PDE3A: variants seen among roughly 807,000 people sequenced by gnomAD.
PDE3A encodes the protein cGMP-inhibited 3',5'-cyclic phosphodiesterase 3A.
A neutral mutation model predicts 98.3 loss-of-function variants in PDE3A; 43 were observed. The ratio of observed to expected loss-of-function variants is 0.44; its 90% CI spans 0.34 to 0.56. PDE3A has a LOEUF of 0.56. PDE3A is among the 20% of genes least tolerant of loss of function. The pLI is 0.01. For missense variants in PDE3A, 1,427 were observed against 1,440.7 expected (o/e 0.99, Z 0.15); for synonymous variants, 663 against 567.9 (o/e 1.17, Z -2.38).
intron 1 of PDE3A, among the ~76,000 whole-genome samples, chr12:20,506,347 G>A (rs953079274): frequency 1.3e-5 from 2 of 151,930 alleles, no homozygotes; most frequent in African/African-American, 4.8e-5. Context: ...TATACACACA[G>A]TATTTCATTC....
chr12:20,533,990 C>T (rs1941689392), intron 1 of PDE3A, among the ~76,000 whole-genome samples: 1 of 152,068 alleles, frequency 6.6e-6, no homozygotes, highest in Admixed American at 6.5e-5. Context: ...TGTGTACTTT[C>T]ACATTCTTAG....
intron 1 of PDE3A, among the ~76,000 whole-genome samples, chr12:20,413,506 C>A (rs571236126): frequency 2.1e-4 from 32 of 152,084 alleles, no homozygotes; most frequent in Non-Finnish European, 2.4e-4. Flanking sequence ...CTGTGGACAC[C>A]CCCTGCCTAG....
chr12:20,675,239 A>G (rs1945605195), intron 15 of PDE3A, among the ~76,000 whole-genome samples: 1 of 151,840 alleles, frequency 6.6e-6, no homozygotes, highest in South Asian at 2.1e-4. Context: ...TTCTTTTGTT[A>G]TTGATTTCTA....
intron 15 of PDE3A, among the ~76,000 whole-genome samples, chr12:20,668,415 G>A (rs1342971111): frequency 1.3e-5 from 2 of 152,062 alleles, no homozygotes; most frequent in East Asian, 1.9e-4. Flanking sequence ...CAAACAAAAA[G>A]ACAGCAGTAA....
chr12:20,637,159 G>A lies in PDE3A; in HGVS notation c.2061G>A (p.Glu687=), dbSNP rs1281420090. ...LVMDNLDSIM[E]QLNTWNFPIF... is the part of the protein sequence containing the mutation. ...TGGATAACCTGGACTCAATTATGGAGCAGCTAAATACTTGGAATTTTCCAA... is the reference window on the plus strand; with the variant it reads ...TGGATAACCTGGACTCAATTATGGAACAGCTAAATACTTGGAATTTTCCAA... The change falls in exon 9 of 16, where the codon GAG becomes GAA. Residue 687 remains glutamate, a synonymous_variant. Transcript: ENST00000359062. 6.2e-7 allele frequency: 1 copy of A among 1,609,500 alleles called. No individual in the cohort carries two copies. The highest frequency in any genetic ancestry group is 1.1e-5 in the South Asian group (1 of 90,736).
At chr12:20,466,506 A>C (rs1010260958) in intron 1 of PDE3A, among the ~76,000 whole-genome samples, 10 of 152,202 alleles carry the variant, frequency 6.6e-5, no homozygotes, top group Non-Finnish European at 1.5e-4. Flanking sequence ...ATGTGATATA[A>C]TGAGTGGTCA....
intron 5 of PDE3A, among the ~76,000 whole-genome samples, chr12:20,623,878 G>A (rs1051768281): frequency 2.0e-5 from 3 of 151,990 alleles, no homozygotes; most frequent in Non-Finnish European, 4.4e-5. Context: ...TAATGAAAAT[G>A]TTAAACAAAT....
chr12:20,679,494 G>C (rs568446926), intron 15 of PDE3A, among the ~76,000 whole-genome samples: 1 of 152,090 alleles, frequency 6.6e-6, no homozygotes, highest in South Asian at 2.1e-4. Context: ...TGATTCGCCC[G>C]CCTTGGCCTC....
chr12:20,556,714 A>G lies in PDE3A; in HGVS notation c.1011+4A>G. The G allele has an allele frequency of 6.2e-7, 1 of 1,604,872 alleles. No homozygotes were observed. The highest frequency in any genetic ancestry group is 8.5e-7 in the Non-Finnish European group (1 of 1,171,780). On this transcript the variant is annotated splice_donor_region_variant and intron_variant, in intron 2 of 15. Coordinates refer to ENST00000359062, the MANE Select transcript of PDE3A (RefSeq NM_000921.5). The stretch of plus-strand genomic sequence containing the variant: ...ACGAGGGCCAAGAGGATCACAGGTA[A>G]GTTTCTTTTCCTTTTCTTTTTCACG...
intron 1 of PDE3A, among the ~76,000 whole-genome samples, chr12:20,535,973 T>C (rs1291983469): frequency 6.6e-6 from 1 of 152,074 alleles, no homozygotes; most frequent in Non-Finnish European, 1.5e-5. Context: ...ATGTTAGATA[T>C]TGCATCTCTT....
At chr12:20,458,876 T>G (rs1945198738) in intron 1 of PDE3A, among the ~76,000 whole-genome samples, 1 of 152,190 alleles carries the variant, frequency 6.6e-6, no homozygotes, top group Non-Finnish European at 1.5e-5. Context: ...ATATAGTCAT[T>G]AACATGGTGT....
Position 20,369,875 on chromosome 12 carries a change from C to T in PDE3A, c.591C>T (p.Cys197=). Residue 197 remains cysteine, a synonymous_variant, in exon 1 of 16, where the codon TGC becomes TGT. Transcript: ENST00000359062. ...CCGCCGCGGGGGTGGTGCTCAGCTG[C>T]TTGGCCGCCGCGACATGGCTGGTGC... ...SLPAAGVVLS[C]LAAATWLVLR... is the part of the protein sequence containing the mutation. The T allele has an allele frequency of 6.2e-7, 1 of 1,613,038 alleles. No individual in the cohort carries two copies. Among genetic ancestry groups the T allele is most frequent in the Admixed American group, 1.7e-5 (1 of 60,002 alleles).
intron 5 of PDE3A, among the ~76,000 whole-genome samples, chr12:20,628,394 C>A (rs1276240463): frequency 6.6e-6 from 1 of 152,144 alleles, no homozygotes; most frequent in African/African-American, 2.4e-5. Context: ...GAAATAAAAA[C>A]CATCAGGCAT....
In PDE3A at chr12:20,567,675, C is replaced by T. The variant is rs144195525; in HGVS notation, c.1011+10965C>T. 1.4e-3 allele frequency among the ~76,000 whole-genome samples: 207 copies of T among 151,750 alleles called. 1 individual carries two copies. Among genetic ancestry groups the T allele is most frequent in the African/African-American group, 4.8e-3 (198 of 41,436 alleles). On this transcript the variant is annotated intron_variant, in intron 2 of 15. Coordinates refer to ENST00000359062, the MANE Select transcript of PDE3A (RefSeq NM_000921.5). Reference sequence around the variant, plus strand: ...TCTTATCACATGGAACTTTTGGGCTCAGGAGTGATTCTGTCTCATGCAGCT... The same window carrying T: ...TCTTATCACATGGAACTTTTGGGCTTAGGAGTGATTCTGTCTCATGCAGCT...
chr12:20,675,290 T>C (rs1216742227), intron 15 of PDE3A, among the ~76,000 whole-genome samples: 1 of 152,190 alleles, frequency 6.6e-6, no homozygotes, highest in Admixed American at 6.5e-5. Flanking sequence ...TGATATAATT[T>C]AGATTTTTAA....
intron 1 of PDE3A, among the ~76,000 whole-genome samples, chr12:20,541,075 C>CTTTTTTTTTTTTTTTTTTTTT (rs777927679): frequency 1.9e-5 from 1 of 52,958 alleles, no homozygotes; most frequent in African/African-American, 6.8e-5. Flanking sequence ...TGGTAACTTT[C>CTTTTTTTTTTTTTTTTTTTTT]TTTTTTTTTT....
At chr12:20,446,683 C>G (rs1198179308) in intron 1 of PDE3A, among the ~76,000 whole-genome samples, 1 of 152,140 alleles carries the variant, frequency 6.6e-6, no homozygotes, top group African/African-American at 2.4e-5. Context: ...GGTAAATCTT[C>G]TATTCATTTA....
At position 20,629,941 on chromosome 12, in the gene PDE3A, C is replaced by G; in HGVS notation, c.1574C>G (p.Pro525Arg). 1.2e-6 allele frequency: 2 copies of G among 1,613,960 alleles called. No individual in the cohort carries two copies. Among genetic ancestry groups the G allele is most frequent in the Non-Finnish European group, 1.7e-6 (2 of 1,179,936 alleles). The change falls in exon 6 of 16, where the codon CCC becomes CGC. Residue 525 changes from proline to arginine, a missense_variant. Pro to Arg is a moderately radical substitution (Grantham distance 103). Coordinates refer to ENST00000359062, the MANE Select transcript of PDE3A (RefSeq NM_000921.5). ...GCTAAAATTTCACCTCTTTCATCGC[C>G]CTGCTCCTCACCTCTCCAAGGGACT... Reference protein sequence around the residue: ...ALAKISPLSSPCSSPLQGTPA... With the variant: ...ALAKISPLSSRCSSPLQGTPA...
At chr12:20,652,621 T>A (rs1944947621) in intron 14 of PDE3A, among the ~76,000 whole-genome samples, 1 of 152,132 alleles carries the variant, frequency 6.6e-6, no homozygotes, top group South Asian at 2.1e-4. Context: ...GGGTTGTTTG[T>A]TTTTTTCTTG....
Sources: gnomAD v4.1 joint callset for allele counts (sites outside exome capture counted in the v4.1 genomes callset) on GRCh38, gnomAD v4.1.1 for gene constraint, MANE v1.5 for transcripts, NCBI Gene and HGNC (gene_info 2026-07-23, HGNC 2026-07-21) for gene names.